TACR3: variants seen among roughly 807,000 people sequenced by gnomAD.
The protein encoded by TACR3 is neuromedin-K receptor.
TACR3 carries 34 observed loss-of-function variants against 35.0 expected under a neutral mutation model. That is an observed-to-expected ratio of 0.97 (90% confidence interval 0.74 to 1.30). The LOEUF (loss-of-function observed/expected upper bound fraction) is 1.30, where lower values mean the gene tolerates loss of function less well. Ranked by LOEUF, TACR3 falls within the 50% of genes most tolerant of loss-of-function variation. The pLI, the probability that TACR3 is intolerant of heterozygous loss-of-function variation, is 0.00. For synonymous variants in TACR3, 233 were observed against 221.1 expected (o/e 1.05, Z -0.48); for missense variants, 558 against 591.7 (o/e 0.94, Z 0.59).
intron 3 of TACR3, among the ~76,000 whole-genome samples, chr4:103,598,630 A>G (rs886752190): frequency 3.3e-5 from 5 of 152,132 alleles, no homozygotes; most frequent in African/African-American, 7.2e-5. Context: ...TGATTTTTAT[A>G]TAAGGTGTAA....
At chr4:103,718,060 A>G (rs1340526537) in intron 1 of TACR3, among the ~76,000 whole-genome samples, 2 of 152,202 alleles carry the variant, frequency 1.3e-5, no homozygotes, top group Non-Finnish European at 2.9e-5. Flanking sequence ...AGTGCTCAGT[A>G]TTTCAAAATA....
At chr4:103,650,391 A>G (rs1238171025) in intron 3 of TACR3, among the ~76,000 whole-genome samples, 1 of 144,474 alleles carries the variant, frequency 6.9e-6, no homozygotes, top group African/African-American at 2.7e-5. Flanking sequence ...GCACACCAAC[A>G]TGGCACATGT....
chr4:103,663,405 C>T (rs1386410031), intron 1 of TACR3, among the ~76,000 whole-genome samples: 1 of 152,072 alleles, frequency 6.6e-6, no homozygotes, highest in Admixed American at 6.6e-5. Context: ...GAGGTATGAG[C>T]ATCTCTTGAG....
intron 1 of TACR3, among the ~76,000 whole-genome samples, chr4:103,685,953 A>G (rs1445233759): frequency 6.6e-6 from 1 of 152,152 alleles, no homozygotes; most frequent in Non-Finnish European, 1.5e-5. Context: ...GACTTTGTTT[A>G]GTGAAAAGAA....
At chr4:103,599,394 C>G (rs1724132137) in intron 3 of TACR3, among the ~76,000 whole-genome samples, 2 of 152,186 alleles carry the variant, frequency 1.3e-5, no homozygotes, top group Admixed American at 6.5e-5. Flanking sequence ...ATCATGTCAT[C>G]TGCAAACAGA....
In TACR3 at chr4:103,589,741, C is replaced by T. The variant is rs201442145; in HGVS notation, c.1339G>A (p.Ala447Thr). 1 of 1,613,828 alleles carries T rather than the reference C, an allele frequency of 6.2e-7. No homozygotes were observed. Among genetic ancestry groups the T allele is most frequent in the East Asian group, 2.2e-5 (1 of 44,874 alleles). Residue 447 changes from alanine (A) to threonine (T), a missense_variant, in exon 5 of 5, where the codon GCC becomes ACC. By Grantham distance (58) the Ala-to-Thr change is moderately conservative (BLOSUM62 0). Transcript: ENST00000304883. ...NGCSRRNSKS[A>T]SATSSFISSP... ...CTTATGAAACTTGAAGTGGCGGAGG[C>T]AGATTTGGAATTCCTGCGAGAGCAG...
At chr4:103,688,963 G>A (rs918540268) in intron 1 of TACR3, among the ~76,000 whole-genome samples, 7 of 151,938 alleles carry the variant, frequency 4.6e-5, no homozygotes, top group African/African-American at 1.7e-4. Context: ...TGTTTATTGC[G>A]GCACTATTCA....
chr4:103,711,672 G>T (rs1341815171), intron 1 of TACR3, among the ~76,000 whole-genome samples: 3 of 151,970 alleles, frequency 2.0e-5, no homozygotes, highest in Non-Finnish European at 4.4e-5. Context: ...AGAAATAAAG[G>T]GTATTCAATT....
chr4:103,641,906 A>C (rs1230312018), intron 3 of TACR3, among the ~76,000 whole-genome samples: 1 of 151,886 alleles, frequency 6.6e-6, no homozygotes, highest in Non-Finnish European at 1.5e-5. Flanking sequence ...TCTCACTTAC[A>C]TGCATAATCT....
intron 1 of TACR3, among the ~76,000 whole-genome samples, chr4:103,690,904 A>T (rs1722388317): frequency 6.6e-6 from 1 of 152,170 alleles, no homozygotes; most frequent in African/African-American, 2.4e-5. Context: ...ATGTCAACTA[A>T]AAAATTATGT....
chr4:103,676,985 A>G (rs1426943028), intron 1 of TACR3, among the ~76,000 whole-genome samples: 2 of 152,194 alleles, frequency 1.3e-5, no homozygotes, highest in Admixed American at 6.6e-5. Context: ...AGTATCCAGC[A>G]TCTATAAAGA....
intron 1 of TACR3, among the ~76,000 whole-genome samples, chr4:103,704,190 C>T (rs1275416728): frequency 6.9e-6 from 1 of 144,950 alleles, no homozygotes; most frequent in Non-Finnish European, 1.5e-5. Context: ...ATGAGATATT[C>T]TTCCATATTC....
chr4:103,671,625 A>C (rs1560525525), intron 1 of TACR3, among the ~76,000 whole-genome samples: 1 of 151,972 alleles, frequency 6.6e-6, no homozygotes, highest in Non-Finnish European at 1.5e-5. Context: ...TTGAGCTATC[A>C]ATTGTAATAT....
intron 3 of TACR3, among the ~76,000 whole-genome samples, chr4:103,640,178 C>T (rs78639586): frequency 0.082 from 12,524 of 151,996 alleles, 579 homozygotes; most frequent in South Asian, 0.11. Flanking sequence ...CAGTAACTGG[C>T]AATGCAAGAA....
At chr4:103,605,587 A>G (rs533215904) in intron 3 of TACR3, among the ~76,000 whole-genome samples, 1 of 152,012 alleles carries the variant, frequency 6.6e-6, no homozygotes, top group Admixed American at 6.6e-5. Context: ...AGTGATGATG[A>G]ACATTTTTTC....
intron 1 of TACR3, among the ~76,000 whole-genome samples, chr4:103,680,242 G>A (rs1417513145): frequency 1.3e-5 from 2 of 151,490 alleles, no homozygotes; most frequent in East Asian, 1.9e-4. Context: ...TTGTTAGCAA[G>A]TAGAACTAAC....
intron 3 of TACR3, among the ~76,000 whole-genome samples, chr4:103,604,023 G>C (rs539717988): frequency 6.6e-6 from 1 of 152,262 alleles, no homozygotes; most frequent in Non-Finnish European, 1.5e-5. Flanking sequence ...TTTCTTCACA[G>C]AATTAGAAAA....
chr4:103,630,395 A>T (rs1725031406), intron 3 of TACR3, among the ~76,000 whole-genome samples: 1 of 152,252 alleles, frequency 6.6e-6, no homozygotes, highest in Non-Finnish European at 1.5e-5. Context: ...ATCAGAGTGA[A>T]TAGGCAACTT....
At chr4:103,677,931 G>GAA (rs140843607) in intron 1 of TACR3, among the ~76,000 whole-genome samples, 14 of 147,052 alleles carry the variant, frequency 9.5e-5, no homozygotes, top group East Asian at 2.0e-4. Flanking sequence ...GGCATAGAAA[G>GAA]AAAAAAAAAA....
Sources: allele counts gnomAD v4.1 joint callset (sites outside exome capture counted in the v4.1 genomes callset), GRCh38; gene constraint gnomAD v4.1.1; transcripts MANE v1.5; gene names NCBI Gene and HGNC (gene_info 2026-07-23, HGNC 2026-07-21).